The following SERPINI2 variants were observed in gnomAD, a reference collection of about 807,000 sequenced individuals.
SERPINI2 encodes the protein serpin family I member 2, also known as serpin I2.
A neutral mutation model predicts 47.3 loss-of-function variants in SERPINI2; 48 were observed. The observed-to-expected ratio is 1.02, with a 90% CI of 0.81 to 1.29. The LOEUF (loss-of-function observed/expected upper bound fraction) is 1.29. Among genes scored for constraint, SERPINI2 ranks in the 50% most tolerant of loss-of-function variants. SERPINI2 has a pLI of 0.00. For missense variants in SERPINI2, 448 were observed against 456.9 expected (o/e 0.98, Z 0.18); for synonymous variants, 135 against 149.3 (o/e 0.90, Z 0.70).
chr3:167,472,870 T>C (rs577548077), intron 1 of SERPINI2, among the ~76,000 whole-genome samples: 39 of 151,908 alleles, frequency 2.6e-4, no homozygotes, highest in African/African-American at 9.1e-4. Context: ...AACAATAATT[T>C]TACCTTATAA....
At chr3:167,455,837 CACACTTTTGAACA>C (rs2108159541) in intron 5 of SERPINI2, among the ~76,000 whole-genome samples, 2 of 152,172 alleles carry the variant, frequency 1.3e-5, no homozygotes, top group Non-Finnish European at 2.9e-5. Flanking sequence ...GCAGGGGCTA[CACACTTTTGAACA>C]ACCAAATCTC....
intron 4 of SERPINI2, 36 bp from the exon 5 acceptor site, chr3:167,465,434 G>T: frequency 6.2e-7 from 1 of 1,603,808 alleles, no homozygotes; most frequent in South Asian, 1.1e-5. Context: ...AATATACTTG[G>T]CAATTCTCAA....
chr3:167,469,957 C>T (rs2108172816), intron 2 of SERPINI2, among the ~76,000 whole-genome samples: 1 of 152,146 alleles, frequency 6.6e-6, no homozygotes, highest in African/African-American at 2.4e-5. Flanking sequence ...ATATATTAAG[C>T]ACATGAAACA....
chr3:167,441,955 T>A (rs1216005115), exon 9 of SERPINI2: 2 of 503,802 alleles, frequency 4.0e-6, no homozygotes, highest in African/African-American at 4.0e-5. Flanking sequence ...CATACCTAAT[T>A]TTACTTATTC....
intron 8 of SERPINI2, 131 bp downstream of exon 8, chr3:167,446,261 G>GTC: frequency 1.8e-6 from 1 of 567,276 alleles, no homozygotes. Context: ...ACAATTCCTG[G>GTC]TATATAAAAT....
Position 167,473,659 on chromosome 3 carries a change from T to A in SERPINI2, c.-11+344A>T, listed in dbSNP as rs369556413. Reference sequence around the variant, plus strand: ...AATTTATATTATTTGAGCATCCACATCCATTTTTTCTAGAAAATTTCTAAG... The same window carrying A: ...AATTTATATTATTTGAGCATCCACAACCATTTTTTCTAGAAAATTTCTAAG... On this transcript the variant is annotated intron_variant, in intron 1 of 8. Coordinates refer to ENST00000264677, the Ensembl canonical transcript of SERPINI2. The A allele has an allele frequency of 8.0e-5, 47 of 589,026 alleles. 1 individual carries two copies. The East Asian group carries it at 8.8e-4, about 11-fold the overall frequency. 36.5% of individuals were successfully genotyped at this position (589,026 alleles called of 1,614,324 possible).
intron 2 of SERPINI2, among the ~76,000 whole-genome samples, chr3:167,469,084 A>G (rs1750234777): frequency 6.6e-6 from 1 of 152,224 alleles, no homozygotes; most frequent in South Asian, 2.1e-4. Context: ...TAAGTAGTAC[A>G]AGTTTGGAGA....
At chr3:167,467,339 C>G in intron 2 of SERPINI2, 54 bp from the exon 3 acceptor site, 1 of 1,297,840 alleles carries the variant, frequency 7.7e-7, no homozygotes, top group Non-Finnish European at 1.1e-6. Context: ...AAAACAACAG[C>G]TTTTCAGCTT....
chr3:167,464,106 C>A (rs13086480), intron 5 of SERPINI2, among the ~76,000 whole-genome samples: 13,997 of 150,976 alleles, frequency 0.093, 678 homozygotes, highest in Non-Finnish European at 0.11. Context: ...CTCTACCTCC[C>A]AGGTTCAACT....
In SERPINI2 at chr3:167,459,078, G is replaced by GTTT. The variant is rs536122299; in HGVS notation, c.867-6048_867-6046dup. Among the ~76,000 whole-genome samples, 931 of 139,006 alleles carry GTTT rather than the reference G, an allele frequency of 6.7e-3. 19 individuals are homozygous for GTTT. Among genetic ancestry groups the GTTT allele is most frequent in the African/African-American group, 0.024 (888 of 37,558 alleles). The allele number at this position is 139,006 out of a possible 152,430, so 91.2% of individuals were successfully genotyped here. ...CTTCAACCAAAGGAAGTTTTTTTTT[G>GTTT]TTTTTTTTTTTTTTGAGACGGAGTC... is the stretch of plus-strand genomic sequence containing the variant. On this transcript the variant is annotated intron_variant, in intron 5 of 8. Transcript: ENST00000264677.
chr3:167,443,052 C>A lies in SERPINI2; in HGVS notation c.1142-867G>T, dbSNP rs536522787. 2.0e-5 allele frequency among the ~76,000 whole-genome samples: 3 copies of A among 152,286 alleles called. 1 individual carries two copies. The South Asian group carries it at 6.2e-4, about 32-fold the overall frequency. ...GTCCAAAGACACACTCTTTGAAGAA[C>A]AAATAACATGGAAATAGACATAAAC... is the stretch of plus-strand genomic sequence containing the variant. On this transcript the variant is annotated intron_variant, in intron 8 of 8. Transcript: ENST00000264677.
rs115479978 is a variant in SERPINI2 at position 167,451,983 on chromosome 3, G to A, written c.964+953C>T. 4.2e-3 allele frequency among the ~76,000 whole-genome samples: 646 copies of A among 152,230 alleles called. 7 individuals carry two copies. Among genetic ancestry groups the A allele is most frequent in the African/African-American group, 0.015 (609 of 41,528 alleles). On this transcript the variant is annotated intron_variant, in intron 6 of 8. Coordinates refer to ENST00000264677, the Ensembl canonical transcript of SERPINI2. ...CAGTGTGAGAACGAGTAGCTACACC[G>A]TGTGTGAAGGTGATAATGAACATTT... is the stretch of plus-strand genomic sequence containing the variant.
chr3:167,475,831 AC>A (rs1356083910), upstream of SERPINI2, among the ~76,000 whole-genome samples: 2 of 151,700 alleles, frequency 1.3e-5, no homozygotes, highest in Admixed American at 1.3e-4. Context: ...ATATATAAAA[AC>A]CACAGCAAAG....
chr3:167,468,604 T>C (rs952307443), intron 2 of SERPINI2, among the ~76,000 whole-genome samples: 1 of 152,126 alleles, frequency 6.6e-6, no homozygotes, highest in Non-Finnish European at 1.5e-5. Context: ...GTATAAACAA[T>C]TTCAGATATA....
intron 5 of SERPINI2, among the ~76,000 whole-genome samples, chr3:167,454,306 A>G (rs1749727783): frequency 6.6e-6 from 1 of 152,234 alleles, no homozygotes; most frequent in Non-Finnish European, 1.5e-5. Context: ...TGGTAAAACA[A>G]TATGTTTTTT....
intron 5 of SERPINI2, among the ~76,000 whole-genome samples, chr3:167,456,644 C>A (rs1487462586): frequency 6.6e-6 from 1 of 152,176 alleles, no homozygotes; most frequent in Non-Finnish European, 1.5e-5. Flanking sequence ...AGACGTCTGG[C>A]TGACCTCTTC....
chr3:167,475,963 AGT>A (rs1426113150), upstream of SERPINI2, among the ~76,000 whole-genome samples: 1 of 151,808 alleles, frequency 6.6e-6, no homozygotes, highest in Non-Finnish European at 1.5e-5. Flanking sequence ...AGAACTTAAA[AGT>A]TAATTCTTCC....
At chr3:167,473,425 T>A (rs973645317) in intron 1 of SERPINI2, among the ~76,000 whole-genome samples, 11 of 151,606 alleles carry the variant, frequency 7.3e-5, no homozygotes, top group Non-Finnish European at 1.2e-4. Context: ...CTCAGAAGAC[T>A]TCTGACCAAA....
rs1330325560 is a variant in SERPINI2, at chr3:167,473,919, C to T, written c.-11+84G>A. 1.8e-5 allele frequency: 21 copies of T among 1,165,670 alleles called. No individual in the cohort carries two copies. The South Asian group carries it at 6.9e-4, about 38-fold the overall frequency. The allele number at this position is 1,165,670 out of a possible 1,614,324, so 72.2% of individuals were successfully genotyped here. On this transcript the variant is annotated intron_variant, in intron 1 of 8. Coordinates refer to ENST00000264677, the Ensembl canonical transcript of SERPINI2. ...TTTTACACCAAAGTAAATTGAAATG[C>T]CATTCCATACTCTACTAAACATTCA...
Sources: allele counts gnomAD v4.1 joint callset (sites outside exome capture counted in the v4.1 genomes callset), GRCh38; gene constraint gnomAD v4.1.1; transcripts MANE v1.5; gene names NCBI Gene and HGNC (gene_info 2026-07-23, HGNC 2026-07-21).